USO1: variants seen among roughly 807,000 people sequenced by gnomAD.
USO1 encodes the protein USO1 vesicle transport factor.
A neutral mutation model predicts 124.5 loss-of-function variants in USO1; 57 were observed. The ratio of observed to expected loss-of-function variants is 0.46; its 90% CI spans 0.37 to 0.57. The LOEUF is 0.57. USO1 is among the 20% of genes least tolerant of loss of function. The pLI is 0.00. For missense variants in USO1, 900 were observed against 1,040.6 expected, an observed-to-expected ratio of 0.86 and a Z score of 1.86; for synonymous variants, 369 against 362.8, an observed-to-expected ratio of 1.02 and a Z score of -0.19.
chr4:75,756,914 T>C (rs1008937269), intron 3 of USO1, among the ~76,000 whole-genome samples: 4 of 151,978 alleles, frequency 2.6e-5, no homozygotes, highest in Non-Finnish European at 5.9e-5. Flanking sequence ...TTAAGTCTAC[T>C]TCGTTCCTCT....
intron 13 of USO1, 25 bp downstream of exon 13, chr4:75,793,926 GTTCTATACA>G: frequency 6.2e-7 from 1 of 1,613,060 alleles, no homozygotes; most frequent in Non-Finnish European, 8.5e-7. Context: ...AAGGGAAAAA[GTTCTATACA>G]TTTTGATGTC....
chr4:75,756,598 C>G (rs1268484328), intron 3 of USO1, among the ~76,000 whole-genome samples: 3 of 150,528 alleles, frequency 2.0e-5, no homozygotes, highest in African/African-American at 7.3e-5. Context: ...CCTCTGCCTC[C>G]CAGGTTCAAG....
rs1415328778 is a variant in USO1, at chr4:75,725,013, T to A, written c.66+128T>A. 4.3e-6 allele frequency: 4 copies of A among 927,328 alleles called. No homozygotes were observed. In the African/African-American group the frequency reaches 5.0e-5, roughly 12 times the overall value. 57.4% of individuals were successfully genotyped at this position (927,328 alleles called of 1,614,324 possible). On this transcript the variant is annotated intron_variant, in intron 1 of 23. Coordinates refer to ENST00000514213, the MANE Select transcript of USO1 (RefSeq NM_003715.4). ...GGGGCATCCACATGCCGCCTCCCCC[T>A]TTGCCCTCCTTCCGCTCCTGAAATC...
At position 75,774,695 on chromosome 4, in the gene USO1, C is replaced by T; in HGVS notation, c.575C>T (p.Ala192Val). 1 of 1,613,254 alleles carries T rather than the reference C, an allele frequency of 6.2e-7. No homozygotes were observed. The highest frequency in any genetic ancestry group is 8.5e-7 in the Non-Finnish European group (1 of 1,179,484). Residue 192 changes from alanine to valine, a missense_variant, in exon 8 of 24, where the codon GCA (alanine) becomes GTA (valine). By Grantham distance (64) the Ala-to-Val change is moderately conservative. Transcript: ENST00000514213. ...IRNDGVLLLQ[A>V]LTRSNGAIQK... ...CTATAGGGCGTCTTACTACTGCAGG[C>T]ACTAACAAGAAGCAATGGTGCAATC...
intron 1 of USO1, among the ~76,000 whole-genome samples, chr4:75,726,499 T>C (rs1720465483): frequency 6.6e-6 from 1 of 150,874 alleles, no homozygotes; most frequent in Non-Finnish European, 1.5e-5. Context: ...AAGGGGATGC[T>C]AAGCCAGGAG....
At position 75,724,900 on chromosome 4, in the gene USO1, G is replaced by A. The variant is rs1184262294; in HGVS notation, c.66+15G>A. 3.1e-6 allele frequency: 5 copies of A among 1,612,772 alleles called. No homozygotes were observed. Among genetic ancestry groups the A allele is most frequent in the South Asian group, 1.1e-5 (1 of 91,058 alleles). On this transcript the variant is annotated intron_variant, in intron 1 of 23. Transcript: ENST00000514213. ...AAGCCGAGACGGTGAGAGGAGCAGC[G>A]GGTCTGGGACTTGGGAAGGGGTCCG...
At chr4:75,794,115 G>A (rs938819792) in intron 13 of USO1, among the ~76,000 whole-genome samples, 6 of 152,194 alleles carry the variant, frequency 3.9e-5, no homozygotes, top group Admixed American at 6.5e-5. Context: ...GCATCATGAT[G>A]AAAATACATG....
chr4:75,732,170 C>G (rs1720650539), intron 1 of USO1, among the ~76,000 whole-genome samples: 1 of 152,058 alleles, frequency 6.6e-6, no homozygotes, highest in Non-Finnish European at 1.5e-5. Context: ...CACCTTCCCC[C>G]CGTTGTTGTC....
At chr4:75,787,755 T>C (rs910274946) in intron 10 of USO1, among the ~76,000 whole-genome samples, 1 of 152,234 alleles carries the variant, frequency 6.6e-6, no homozygotes, top group African/African-American at 2.4e-5. Context: ...AAGTCCCACT[T>C]TACTTCCTCA....
At chr4:75,808,899 C>T in intron 20 of USO1, 54 bp from the exon 21 acceptor site, 1 of 1,505,780 alleles carries the variant, frequency 6.6e-7, no homozygotes, top group Non-Finnish European at 8.9e-7. Flanking sequence ...TAAATATTTC[C>T]TTGATGAATT....
intron 3 of USO1, among the ~76,000 whole-genome samples, chr4:75,753,876 C>T (rs1721356547): frequency 1.3e-5 from 2 of 150,834 alleles, no homozygotes; most frequent in South Asian, 2.1e-4. Flanking sequence ...CTCCGCCTCC[C>T]GAGTTTATGC....
Position 75,793,818 on chromosome 4 carries a change from C to G in USO1, c.1369C>G (p.Gln457Glu). 2 of 1,614,002 alleles carry G rather than the reference C, an allele frequency of 1.2e-6. No homozygotes were observed. The highest frequency in any genetic ancestry group is 2.2e-5 in the South Asian group (2 of 91,092). ...ALQENATQKE[Q>E]LLRVQLATSI... ...GCAAGAAAATGCCACCCAGAAAGAACAGTTGCTCAGGGTTCAACTTGCTAC... is the reference window on the plus strand; with the variant it reads ...GCAAGAAAATGCCACCCAGAAAGAAGAGTTGCTCAGGGTTCAACTTGCTAC... The change falls in exon 13 of 24, where the codon CAG (glutamine) becomes GAG (glutamate). Residue 457 changes from glutamine (Q) to glutamate (E), a missense_variant. Gln to Glu is a conservative substitution (Grantham distance 29). Around this residue, in one of 2 missense-constraint regions of USO1, gnomAD observed 538 missense variants for 681.6 expected, o/e 0.79. Coordinates refer to ENST00000514213, the MANE Select transcript of USO1 (RefSeq NM_003715.4).
chr4:75,734,409 T>A (rs1339531813), intron 1 of USO1, among the ~76,000 whole-genome samples: 1 of 152,214 alleles, frequency 6.6e-6, no homozygotes, highest in Non-Finnish European at 1.5e-5. Context: ...TCTCCATTGC[T>A]TGTTACTGTC....
Position 75,793,678 on chromosome 4 carries a change from C to A in USO1, c.1241-12C>A. ...CTAATATATTTTTATTGTCTGCCTGCCATCTTTGTAGCAACAGGTAATTCA... is the reference window on the plus strand; with the variant it reads ...CTAATATATTTTTATTGTCTGCCTGACATCTTTGTAGCAACAGGTAATTCA... On this transcript the variant is annotated splice_polypyrimidine_tract_variant and intron_variant, in intron 12 of 23. Coordinates refer to ENST00000514213, the MANE Select transcript of USO1 (RefSeq NM_003715.4). 6.3e-7 allele frequency: 1 copy of A among 1,594,352 alleles called. No individual in the cohort carries two copies. The highest frequency in any genetic ancestry group is 8.6e-7 in the Non-Finnish European group (1 of 1,169,112).
intron 1 of USO1, among the ~76,000 whole-genome samples, chr4:75,736,581 G>T (rs1720798769): frequency 6.6e-6 from 1 of 152,058 alleles, no homozygotes; most frequent in African/African-American, 2.4e-5. Flanking sequence ...GGGACTACAG[G>T]CGTGGGCCAC....
intron 4 of USO1, 70 bp from the exon 5 acceptor site, chr4:75,770,369 C>T (rs1721886426): frequency 7.2e-7 from 1 of 1,395,688 alleles, no homozygotes; most frequent in Non-Finnish European, 9.5e-7. Flanking sequence ...TCACGCTTAA[C>T]TCTTCAATGA....
chr4:75,754,226 G>A (rs1233623751), intron 3 of USO1, among the ~76,000 whole-genome samples: 4 of 152,014 alleles, frequency 2.6e-5, no homozygotes, highest in African/African-American at 9.7e-5. Flanking sequence ...TGGGATTACA[G>A]GCATGCGCCA....
chr4:75,810,124 CTG>C (rs1723104229), intron 21 of USO1, among the ~76,000 whole-genome samples: 1 of 152,088 alleles, frequency 6.6e-6, no homozygotes, highest in African/African-American at 2.4e-5. Flanking sequence ...GAAAAATATT[CTG>C]TGTTTATTAA....
rs1722599368 is a variant in USO1 at position 75,793,777 on chromosome 4, C to T, written c.1328C>T (p.Ala443Val). 1 of 1,613,796 alleles carries T rather than the reference C, an allele frequency of 6.2e-7. No homozygotes were observed. The highest frequency in any genetic ancestry group is 8.5e-7 in the Non-Finnish European group (1 of 1,179,860). The change falls in exon 13 of 24, where the codon GCC becomes GTC. Residue 443 changes from alanine (A) to valine (V), a missense_variant. By Grantham distance (64) the Ala-to-Val change is moderately conservative (BLOSUM62 0). This residue lies in a region of USO1 where 538 missense variants were observed against 681.6 expected (regional missense o/e 0.79). Coordinates refer to ENST00000514213, the MANE Select transcript of USO1 (RefSeq NM_003715.4). Reference sequence around the variant, plus strand: ...CTTTCAAACTGGTGTGCTGCTGTGGCCCTTGCCCATGCGTTGCAAGAAAAT... The same window carrying T: ...CTTTCAAACTGGTGTGCTGCTGTGGTCCTTGCCCATGCGTTGCAAGAAAAT... ...DSLSNWCAAV[A>V]LAHALQENAT...
Sources: gnomAD v4.1 joint callset for allele counts (sites outside exome capture counted in the v4.1 genomes callset) on GRCh38, gnomAD v4.1.1 for gene constraint, gnomAD v4.1.1 regional missense constraint, MANE v1.5 for transcripts, NCBI Gene and HGNC (gene_info 2026-07-23, HGNC 2026-07-21) for gene names.